SERPINA10: variants seen among roughly 807,000 people sequenced by gnomAD.
The protein encoded by SERPINA10 is serpin family A member 10, also known as protein Z-dependent protease inhibitor.
Under a neutral mutation model 28.0 loss-of-function variants are expected in SERPINA10, and 24 were observed. The ratio of observed to expected loss-of-function variants is 0.86; its 90% CI spans 0.62 to 1.20. The LOEUF (loss-of-function observed/expected upper bound fraction) is 1.20. Ranked by LOEUF, SERPINA10 falls within the 50% of genes most tolerant of loss-of-function variation. The pLI is 0.00. For missense variants in SERPINA10, 521 were observed against 537.7 expected, an observed-to-expected ratio of 0.97 and a Z score of 0.31; for synonymous variants, 207 against 203.9, an observed-to-expected ratio of 1.02 and a Z score of -0.13.
intron 1 of SERPINA10, among the ~76,000 whole-genome samples, chr14:94,291,245 G>C (rs1210982167): frequency 6.6e-6 from 1 of 152,086 alleles, no homozygotes; most frequent in Non-Finnish European, 1.5e-5. Flanking sequence ...CCTTCCTATA[G>C]CTGCAGCTCC....
At chr14:94,287,540 A>G (rs1484218299) in intron 3 of SERPINA10, among the ~76,000 whole-genome samples, 1 of 152,090 alleles carries the variant, frequency 6.6e-6, no homozygotes, top group African/African-American at 2.4e-5. Context: ...CCTTGCTTCC[A>G]TCCTTACCCC....
chr14:94,291,982 T>C (rs1328548848), intron 1 of SERPINA10, among the ~76,000 whole-genome samples: 3 of 152,122 alleles, frequency 2.0e-5, no homozygotes, highest in African/African-American at 7.3e-5. Flanking sequence ...CAAAGGACAC[T>C]GTTGAGGAAG....
Position 94,290,379 on chromosome 14 carries a change from C to G in SERPINA10, c.215G>C (p.Arg72Thr), listed in dbSNP as rs748371688. ...TGAAGTCTCCTTGGCAAGCTGCTGC[C>G]TGCTGGCCATCAGCCAGGCTTTCTC... ...EEEKAWLMAS[R>T]QQLAKETSNF... is the part of the protein sequence containing the mutation. Residue 72 changes from arginine (R) to threonine (T), a missense_variant, in exon 2 of 5, where the codon AGG (arginine) becomes ACG (threonine). Transcript: ENST00000261994. The G allele has an allele frequency of 1.2e-6, 2 of 1,614,190 alleles. 1 individual carries two copies. Among genetic ancestry groups the G allele is most frequent in the South Asian group, 2.2e-5 (2 of 91,080 alleles).
rs1159068744 is a variant in SERPINA10 at position 94,283,291 on chromosome 14, CCAGA to C, written c.*670_*673del. On this transcript the variant is annotated 3_prime_UTR_variant, in exon 5 of 5. Transcript: ENST00000261994. ...GGTTCTTAGAAACAAGCTTAAAATA[CCAGA>C]CAGATTGCACAAACATCTTAAAAAA... 1.3e-5 allele frequency: 2 copies of C among 152,356 alleles called. No individual in the cohort carries two copies. The highest frequency in any genetic ancestry group is 1.9e-4 in the East Asian group (1 of 5,186). The allele number at this position is 152,356 out of a possible 1,614,324, so 9.4% of individuals were successfully genotyped here.
chr14:94,282,865 GCC>G lies in SERPINA10; in HGVS notation c.*1098_*1099del, dbSNP rs1421163590. On this transcript the variant is annotated 3_prime_UTR_variant, in exon 5 of 5. Coordinates refer to ENST00000261994, the MANE Select transcript of SERPINA10 (RefSeq NM_001100607.3). Reference sequence around the variant, plus strand: ...GTCTACAAGGTTAAACGTGCCTAGGGCCCATGAAAGTAAGAATATGGACCTGT... The same window carrying G: ...GTCTACAAGGTTAAACGTGCCTAGGGCATGAAAGTAAGAATATGGACCTGT... 2.6e-5 allele frequency: 4 copies of G among 152,276 alleles called. No homozygotes were observed. In the East Asian group the frequency reaches 7.7e-4, roughly 29 times the overall value. The allele number at this position is 152,276 out of a possible 1,614,324, so 9.4% of individuals were successfully genotyped here.
In SERPINA10 at chr14:94,282,023, C is replaced by T. The variant is rs532172745; in HGVS notation, c.*1942G>A. ...AAGAATGTCAGATAGAGTTAGTCCT[C>T]TGTCTTTGGCCCTCTAGGGCCTAGA... On this transcript the variant is annotated 3_prime_UTR_variant, in exon 5 of 5. Transcript: ENST00000261994. 6.6e-6 allele frequency: 1 copy of T among 152,660 alleles called. No homozygotes were observed. The highest frequency in any genetic ancestry group is 2.4e-5 in the African/African-American group (1 of 41,558). 9.5% of individuals were successfully genotyped at this position (152,660 alleles called of 1,614,324 possible).
In SERPINA10 at chr14:94,289,880, GAACAAGATGTAATC is replaced by G; in HGVS notation, c.700_713del (p.Asp234GlnfsTer9). 2.5e-6 allele frequency: 4 copies of G among 1,614,114 alleles called. No homozygotes were observed. In the South Asian group the frequency reaches 4.4e-5, roughly 18 times the overall value. On this transcript the variant is annotated frameshift_variant, in exon 2 of 5. Coordinates refer to ENST00000261994, the MANE Select transcript of SERPINA10 (RefSeq NM_001100607.3). LOFTEE classifies it high-confidence loss of function. ...AGCAGAACATTATCAAAGTACCTTTGAACAAGATGTAATCCACAAGAATTAATTTGGTTTCAGGA... is the reference window on the plus strand; with the variant it reads ...AGCAGAACATTATCAAAGTACCTTTGCACAAGAATTAATTTGGTTTCAGGA...
intron 1 of SERPINA10, among the ~76,000 whole-genome samples, chr14:94,292,037 C>CA (rs1895191112): frequency 6.6e-6 from 1 of 152,250 alleles, no homozygotes; most frequent in Non-Finnish European, 1.5e-5. Context: ...ACAGGTCACC[C>CA]AAGTATTGTA....
intron 2 of SERPINA10, among the ~76,000 whole-genome samples, chr14:94,289,205 G>A (rs905615897): frequency 2.0e-5 from 3 of 152,194 alleles, no homozygotes; most frequent in South Asian, 4.1e-4. Flanking sequence ...TCCAACCCAC[G>A]TCCAGTGCCC....
intron 3 of SERPINA10, among the ~76,000 whole-genome samples, chr14:94,287,177 T>C (rs1464463309): frequency 6.6e-6 from 1 of 152,218 alleles, no homozygotes; most frequent in East Asian, 1.9e-4. Context: ...ACCGAATTTA[T>C]ATCTCCGGCC....
chr14:94,281,514 C>A lies in SERPINA10; in HGVS notation c.*2451G>T, dbSNP rs1364274571. 1 of 152,100 alleles carries A rather than the reference C, an allele frequency of 6.6e-6. No homozygotes were observed. Among genetic ancestry groups the A allele is most frequent in the Non-Finnish European group, 1.5e-5 (1 of 68,016 alleles). 9.4% of individuals were successfully genotyped at this position (152,100 alleles called of 1,614,324 possible). A position where few individuals can be genotyped will look rare whatever the true frequency, so the allele number is the denominator to read the frequency against. On this transcript the variant is annotated 3_prime_UTR_variant, in exon 5 of 5. Transcript: ENST00000261994. ...CTACAATGTTAAGATTTCCCCCGCTCGGTTGGAAACCCTGAATTTGTGTGT... is the reference window on the plus strand; with the variant it reads ...CTACAATGTTAAGATTTCCCCCGCTAGGTTGGAAACCCTGAATTTGTGTGT...
intron 3 of SERPINA10, 112 bp from the exon 4 acceptor site, chr14:94,286,370 G>T (rs1451143360): frequency 8.5e-7 from 1 of 1,171,292 alleles, no homozygotes; most frequent in Non-Finnish European, 1.3e-6. Flanking sequence ...GAGTCTTTCA[G>T]TTGACTATGT....
chr14:94,289,020 C>G (rs1895095359), intron 2 of SERPINA10, among the ~76,000 whole-genome samples: 1 of 152,214 alleles, frequency 6.6e-6, no homozygotes, highest in South Asian at 2.1e-4. Flanking sequence ...CACTTCTCAC[C>G]CACCCACTGT....
intron 1 of SERPINA10, chr14:94,292,776 C>T: frequency 1.5e-6 from 1 of 685,898 alleles, no homozygotes; most frequent in Non-Finnish European, 2.7e-6. Flanking sequence ...AGGACACCAT[C>T]CAGCATGGTG....
intron 4 of SERPINA10, among the ~76,000 whole-genome samples, chr14:94,285,727 G>A (rs1895007827): frequency 6.6e-6 from 1 of 151,962 alleles, no homozygotes; most frequent in Admixed American, 6.6e-5. Flanking sequence ...TTTCCACAAG[G>A]AGGGAGAAGT....
Position 94,283,993 on chromosome 14 carries a change from C to T in SERPINA10, c.1307G>A (p.Gly436Asp), listed in dbSNP as rs1469576366. The T allele has an allele frequency of 3.1e-6, 5 of 1,614,012 alleles. No homozygotes were observed. The South Asian group carries it at 3.3e-5, about 11-fold the overall frequency. Residue 436 changes from glycine (G) to aspartate (D), a missense_variant, in exon 5 of 5, where the codon GGC becomes GAC. Coordinates refer to ENST00000261994, the MANE Select transcript of SERPINA10 (RefSeq NM_001100607.3). ...EETSGMLLFL[G>D]RVVNPTLL Reference sequence around the variant, plus strand: ...TAGGAGAGTCGGATTCACCACCCTGCCCAGAAACAGAAGCATTCCAGAGGT... The same window carrying T: ...TAGGAGAGTCGGATTCACCACCCTGTCCAGAAACAGAAGCATTCCAGAGGT...
chr14:94,283,872 T>A lies in SERPINA10; in HGVS notation c.*93A>T, dbSNP rs966427093. ...AACTAGTTAAGAACAAAAGGAACACTCTCCCCTGCCATCCATTGCTGGTAT... is the reference window on the plus strand; with the variant it reads ...AACTAGTTAAGAACAAAAGGAACACACTCCCCTGCCATCCATTGCTGGTAT... On this transcript the variant is annotated 3_prime_UTR_variant, in exon 5 of 5. Coordinates refer to ENST00000261994, the MANE Select transcript of SERPINA10 (RefSeq NM_001100607.3). 109 of 1,259,482 alleles carry A rather than the reference T, an allele frequency of 8.7e-5. No homozygotes were observed. The highest frequency in any genetic ancestry group is 1.2e-4 in the Non-Finnish European group (104 of 859,576). The allele number at this position is 1,259,482 out of a possible 1,614,324, so 78.0% of individuals were successfully genotyped here.
intron 2 of SERPINA10, among the ~76,000 whole-genome samples, chr14:94,289,392 A>G (rs1895104347): frequency 6.6e-6 from 1 of 152,244 alleles, no homozygotes; most frequent in African/African-American, 2.4e-5. Context: ...TTGGAAGAAC[A>G]AGTAAACAAT....
Position 94,289,964 on chromosome 14 carries a change from G to A in SERPINA10, c.630C>T (p.Asn210=). 6.2e-7 allele frequency: 1 copy of A among 1,614,218 alleles called. No individual in the cohort carries two copies. Among genetic ancestry groups the A allele is most frequent in the Non-Finnish European group, 8.5e-7 (1 of 1,180,022 alleles). ...TGGGAATTTTCCCCCGAGTCTCTTTGTTAATGTAATGATTCATGAGCCTTT... is the reference window on the plus strand; with the variant it reads ...TGGGAATTTTCCCCCGAGTCTCTTTATTAATGTAATGATTCATGAGCCTTT... ...QAKRLMNHYI[N]KETRGKIPKL... The change falls in exon 2 of 5, where the codon AAC becomes AAT. Residue 210 remains asparagine (N), a synonymous_variant. Transcript: ENST00000261994.
Sources: allele counts gnomAD v4.1 joint callset (sites outside exome capture counted in the v4.1 genomes callset), GRCh38; gene constraint gnomAD v4.1.1; transcripts MANE v1.5; gene names NCBI Gene and HGNC (gene_info 2026-07-23, HGNC 2026-07-21).